The following CDH4 variants were observed in gnomAD, a reference collection of about 807,000 sequenced individuals.
CDH4 encodes cadherin-4.
A neutral mutation model predicts 86.0 loss-of-function variants in CDH4; 33 were observed. The ratio of observed to expected loss-of-function variants is 0.38; its 90% confidence interval spans 0.29 to 0.51. The LOEUF (loss-of-function observed/expected upper bound fraction) is 0.51. CDH4 is among the 20% of genes least tolerant of loss of function. The probability of loss-of-function intolerance (pLI) is 0.86; values close to 1 mark genes in which losing one functional copy is unlikely to be tolerated. For missense variants in CDH4, 1,114 were observed against 1,307.4 expected (o/e 0.85, Z 2.28); for synonymous variants, 555 against 549.4 (o/e 1.01, Z -0.14).
At chr20:61,564,896 G>A (rs2086252834) in intron 2 of CDH4, among the ~76,000 whole-genome samples, 2 of 152,174 alleles carry the variant, frequency 1.3e-5, no homozygotes, top group Admixed American at 6.5e-5. Context: ...TAAATCCACA[G>A]CATTCACTCC....
rs780560973 is a variant in CDH4 at position 61,924,371 on chromosome 20, A to G, written c.1666A>G (p.Ile556Val). Residue 556 changes from isoleucine to valine, a missense_variant, in exon 11 of 16, where the codon ATC (isoleucine) becomes GTC (valine). Around this residue, in one of 3 missense-constraint regions of CDH4, gnomAD observed 705 missense variants for 914.1 expected, o/e 0.77. Transcript: ENST00000614565. ...GTCAGACCCAGCGAGCTGGCTGCAC[A>G]TCAATGCCACCAACGGCCAGATCAC... Reference protein sequence around the residue: ...KLSDPASWLHINATNGQITTA... With the variant: ...KLSDPASWLHVNATNGQITTA... The G allele has an allele frequency of 1.3e-5, 21 of 1,613,212 alleles. No individual in the cohort carries two copies. Among genetic ancestry groups the G allele is most frequent in the Admixed American group, 1.7e-5 (1 of 59,944 alleles).
chr20:61,460,104 T>A (rs1180054547), intron 2 of CDH4, among the ~76,000 whole-genome samples: 1 of 152,090 alleles, frequency 6.6e-6, no homozygotes, highest in African/African-American at 2.4e-5. Flanking sequence ...AGAAATTCAA[T>A]AAATATTTGT....
At chr20:61,766,591 G>C (rs1170315399) in intron 3 of CDH4, among the ~76,000 whole-genome samples, 1 of 152,186 alleles carries the variant, frequency 6.6e-6, no homozygotes, top group Non-Finnish European at 1.5e-5. Context: ...TTTCACAGAT[G>C]AGGGACTGAG....
At chr20:61,904,339 G>A (rs1401255675) in intron 8 of CDH4, among the ~76,000 whole-genome samples, 1 of 152,160 alleles carries the variant, frequency 6.6e-6, no homozygotes, top group African/African-American at 2.4e-5. Flanking sequence ...GCAGCTGCTG[G>A]GAACTGGTGG....
At chr20:61,731,812 C>T (rs1221125586) in intron 2 of CDH4, among the ~76,000 whole-genome samples, 1 of 152,154 alleles carries the variant, frequency 6.6e-6, no homozygotes, top group Non-Finnish European at 1.5e-5. Context: ...GCGGCTGTTC[C>T]TCCACCCGAC....
intron 2 of CDH4, among the ~76,000 whole-genome samples, chr20:61,697,611 CA>C (rs1188814557): frequency 2.0e-5 from 3 of 151,532 alleles, no homozygotes; most frequent in Non-Finnish European, 2.9e-5. Context: ...GCGGGGGGAA[CA>C]AAAAAAAGGA....
chr20:61,826,071 T>A (rs1276194816), intron 4 of CDH4, among the ~76,000 whole-genome samples: 1 of 152,192 alleles, frequency 6.6e-6, no homozygotes, highest in Non-Finnish European at 1.5e-5. Context: ...CTTCTGCCCT[T>A]GACTCTTCCT....
intron 2 of CDH4, among the ~76,000 whole-genome samples, chr20:61,644,640 C>T (rs988600329): frequency 3.9e-5 from 6 of 152,204 alleles, no homozygotes; most frequent in Admixed American, 2.6e-4. Context: ...AGGCCCCACC[C>T]GCTGCCTCCA....
rs191058936 is a variant in CDH4, at chr20:61,807,854, G to A, written c.576+34672G>A. Among the ~76,000 whole-genome samples the A allele has an allele frequency of 2.6e-4, 39 of 152,316 alleles. No individual in the cohort carries two copies. The highest frequency in any genetic ancestry group is 3.4e-3 in the Middle Eastern group (1 of 294). ...CAGGATGGTCAGTACTGTCGCTTTC[G>A]TTAGGTTAGAGGCCGTCCACTGGGC... is the stretch of plus-strand genomic sequence containing the variant. On this transcript the variant is annotated intron_variant, in intron 4 of 15. Transcript: ENST00000614565. This position sits in a 1 kb window ranked among gnomAD's most constrained non-coding sequence, Gnocchi z 4.5.
At chr20:61,502,004 G>A (rs544496970) in intron 2 of CDH4, among the ~76,000 whole-genome samples, 2 of 152,178 alleles carry the variant, frequency 1.3e-5, no homozygotes, top group Admixed American at 1.3e-4. Flanking sequence ...GGGCGCGTGA[G>A]GGCTGTGGGT....
At chr20:61,757,001 A>G (rs73310902) in intron 3 of CDH4, among the ~76,000 whole-genome samples, 1,688 of 152,354 alleles carry the variant, frequency 0.011, 32 homozygotes, top group African/African-American at 0.038. Flanking sequence ...ATTCTAGAAT[A>G]AATAAACAGC....
chr20:61,607,063 C>T (rs1258222591), intron 2 of CDH4, among the ~76,000 whole-genome samples: 1 of 152,206 alleles, frequency 6.6e-6, no homozygotes, highest in African/African-American at 2.4e-5. Flanking sequence ...CTCTGTTGAC[C>T]TTTACAACCT....
intron 2 of CDH4, among the ~76,000 whole-genome samples, chr20:61,657,243 C>T (rs889923535): frequency 1.3e-5 from 2 of 152,216 alleles, no homozygotes. Flanking sequence ...CTGTTTTTGA[C>T]ACAAACTTAG....
chr20:61,929,196 A>G (rs949206178), intron 12 of CDH4, among the ~76,000 whole-genome samples: 5 of 150,988 alleles, frequency 3.3e-5, no homozygotes, highest in Non-Finnish European at 4.4e-5. Flanking sequence ...GCAGAAGTGC[A>G]GTGGCACAAT....
intron 2 of CDH4, among the ~76,000 whole-genome samples, chr20:61,414,574 G>A (rs947637440): frequency 4.6e-5 from 7 of 152,204 alleles, no homozygotes; most frequent in African/African-American, 1.4e-4. Flanking sequence ...TCTCTGTGCG[G>A]CAATATTAAT....
intron 3 of CDH4, among the ~76,000 whole-genome samples, chr20:61,757,816 CTG>C (rs1370575186): frequency 6.6e-6 from 1 of 152,188 alleles, no homozygotes. Context: ...GGTACAGACT[CTG>C]TGTCACCTCC....
intron 2 of CDH4, among the ~76,000 whole-genome samples, chr20:61,647,654 G>C (rs2087079605): frequency 6.7e-6 from 1 of 150,026 alleles, no homozygotes; most frequent in East Asian, 2.0e-4. Context: ...CCACCAGGCT[G>C]ATCCCCATCT....
At chr20:61,385,997 C>T (rs761137174) in intron 2 of CDH4, among the ~76,000 whole-genome samples, 7 of 152,298 alleles carry the variant, frequency 4.6e-5, no homozygotes, top group Non-Finnish European at 1.0e-4. Flanking sequence ...GTTGTCCTAG[C>T]GCCTGGGGAC....
intron 3 of CDH4, among the ~76,000 whole-genome samples, chr20:61,753,293 C>T (rs563911176): frequency 2.6e-5 from 4 of 152,098 alleles, no homozygotes; most frequent in African/African-American, 7.2e-5. Context: ...CTTCAAGTGC[C>T]GCCTCCTCTG....
Sources: allele counts gnomAD v4.1 joint callset (sites outside exome capture counted in the v4.1 genomes callset), GRCh38; gene constraint gnomAD v4.1.1; regional missense constraint gnomAD v4.1.1; non-coding constraint Gnocchi (gnomAD v3.1); transcripts MANE v1.5; gene names NCBI Gene and HGNC (gene_info 2026-07-23, HGNC 2026-07-21).